The following BLTP1 variants were observed in gnomAD, a reference collection of about 807,000 sequenced individuals.
The protein encoded by BLTP1 is bridge-like lipid transfer protein family member 1.
the BLTP1 span, among the ~76,000 whole-genome samples, chr4:122,245,567 C>T: frequency 1.3e-5 from 2 of 152,112 alleles, no homozygotes; most frequent in Non-Finnish European, 2.9e-5. Context: ...CAAGTCACTA[C>T]TCTCATTGTA....
the BLTP1 span, chr4:122,276,430 G>A: frequency 9.2e-6 from 9 of 974,436 alleles, no homozygotes; most frequent in South Asian, 3.8e-4. Flanking sequence ...GTACATCTCA[G>A]CCTTATAATT....
At chr4:122,193,710 A>T in the BLTP1 span, 14 of 910,518 alleles carry the variant, frequency 1.5e-5, no homozygotes, top group East Asian at 1.5e-3. Flanking sequence ...ATAGAGAAAT[A>T]CAAGCCAAGT....
the BLTP1 span, chr4:122,264,549 C>A: frequency 1.2e-6 from 1 of 803,930 alleles, no homozygotes; most frequent in Non-Finnish European, 1.7e-6. Context: ...TATCTGCCTA[C>A]AGCCTTCATG....
chr4:122,164,871 C>G, the BLTP1 span, among the ~76,000 whole-genome samples: 1 of 151,992 alleles, frequency 6.6e-6, no homozygotes, highest in Non-Finnish European at 1.5e-5. Flanking sequence ...ACCCATGTCT[C>G]TGCATTTTAC....
chr4:122,280,618 G>T, the BLTP1 span, among the ~76,000 whole-genome samples: 1 of 144,578 alleles, frequency 6.9e-6, no homozygotes, highest in Non-Finnish European at 1.5e-5. Flanking sequence ...AGCCAAGACT[G>T]CACCATTGCA....
At chr4:122,237,106 A>G in the BLTP1 span, 1 of 984,408 alleles carries the variant, frequency 1.0e-6, no homozygotes, top group Non-Finnish European at 1.2e-6. Flanking sequence ...CTAATATTAT[A>G]TTTTAGGTTT....
the BLTP1 span, chr4:122,347,125 GA>G: frequency 1.0e-6 from 1 of 984,378 alleles, no homozygotes; most frequent in Non-Finnish European, 1.2e-6. Flanking sequence ...CATGGTTAGC[GA>G]AGCATGGGAA....
chr4:122,325,248 T>C, the BLTP1 span: 1 of 1,608,082 alleles, frequency 6.2e-7, no homozygotes, highest in Non-Finnish European at 8.5e-7. Context: ...TAGGAGAAAC[T>C]GAAGAGCTCC....
the BLTP1 span, chr4:122,189,520 T>C: frequency 1.2e-6 from 1 of 826,230 alleles, no homozygotes; most frequent in Non-Finnish European, 1.5e-6. Flanking sequence ...TGTTTTTGAA[T>C]GATTATAGTT....
At chr4:122,231,343 C>T in the BLTP1 span, among the ~76,000 whole-genome samples, 1 of 152,140 alleles carries the variant, frequency 6.6e-6, no homozygotes, top group African/African-American at 2.4e-5. Context: ...GGTGGCATCT[C>T]TTTATTTTGC....
the BLTP1 span, chr4:122,351,354 CTG>C: frequency 3.5e-3 from 1,028 of 295,814 alleles, 11 homozygotes; most frequent in East Asian, 0.044. Context: ...TTCTGTGTAT[CTG>C]TATATATGCG....
chr4:122,197,949 T>G, the BLTP1 span: 1 of 983,764 alleles, frequency 1.0e-6, no homozygotes, highest in Non-Finnish European at 1.2e-6. Context: ...TTCTGCTTTA[T>G]TTTCTTTCTT....
the BLTP1 span, among the ~76,000 whole-genome samples, chr4:122,332,418 G>C: frequency 6.6e-6 from 1 of 151,890 alleles, no homozygotes; most frequent in African/African-American, 2.4e-5. Context: ...ATAAAGGGCA[G>C]TTTCATTTGG....
At chr4:122,293,907 C>A in the BLTP1 span, among the ~76,000 whole-genome samples, 1 of 152,136 alleles carries the variant, frequency 6.6e-6, no homozygotes, top group African/African-American at 2.4e-5. Context: ...GCAGTCCAGA[C>A]TGGGAGGAGT....
At chr4:122,223,738 G>A in the BLTP1 span, among the ~76,000 whole-genome samples, 1 of 152,126 alleles carries the variant, frequency 6.6e-6, no homozygotes, top group African/African-American at 2.4e-5. Flanking sequence ...CCTGGCAAGA[G>A]GTGATACTAT....
At chr4:122,155,324 ATT>A in the BLTP1 span, among the ~76,000 whole-genome samples, 29 of 141,670 alleles carry the variant, frequency 2.0e-4, no homozygotes, top group South Asian at 2.2e-4. Context: ...GGAAGCTAGG[ATT>A]TTTTTTTTTT....
the BLTP1 span, among the ~76,000 whole-genome samples, chr4:122,286,180 G>A: frequency 1.3e-5 from 2 of 152,120 alleles, no homozygotes; most frequent in Non-Finnish European, 2.9e-5. Context: ...GCACTGTGTG[G>A]ACTGGGGAAA....
chr4:122,185,009 C>A, the BLTP1 span: 10 of 984,810 alleles, frequency 1.0e-5, no homozygotes, highest in South Asian at 2.8e-4. Flanking sequence ...AGGGGAAAAG[C>A]TATGTGGGGC....
At chr4:122,180,098 G>A in the BLTP1 span, 9 of 984,438 alleles carry the variant, frequency 9.1e-6, no homozygotes, top group Admixed American at 6.2e-5. Context: ...AACCTAATAT[G>A]TTGAGAATGG....
Sources: gnomAD v4.1 joint callset for allele counts (sites outside exome capture counted in the v4.1 genomes callset) on GRCh38, gnomAD v4.1.1 for gene constraint, MANE v1.5 for transcripts, NCBI Gene and HGNC (gene_info 2026-07-23, HGNC 2026-07-21) for gene names.